PIEZO2: variants seen among roughly 807,000 people sequenced by gnomAD.
PIEZO2 encodes piezo type mechanosensitive ion channel component 2.
In PIEZO2, 172 loss-of-function variants were observed where a neutral mutation model predicts 337.3. The observed-to-expected ratio is 0.51, with a 90% CI of 0.45 to 0.58. PIEZO2 has a LOEUF of 0.58. Ranked by LOEUF, PIEZO2 falls within the 20% of genes least tolerant of loss-of-function variation. The probability of loss-of-function intolerance (pLI) is 0.00; values close to 1 mark genes in which losing one functional copy is unlikely to be tolerated. For missense variants in PIEZO2, 3,028 were observed against 3,391.3 expected, an observed-to-expected ratio of 0.89 and a Z score of 2.66; for synonymous variants, 1,251 against 1,228.5, an observed-to-expected ratio of 1.02 and a Z score of -0.38.
At chr18:10,690,816 C>T (rs2034784744) in intron 48 of PIEZO2, among the ~76,000 whole-genome samples, 1 of 152,118 alleles carries the variant, frequency 6.6e-6, no homozygotes, top group African/African-American at 2.4e-5. Flanking sequence ...TGCTCCTTTT[C>T]AATGGAGGAA....
At chr18:10,814,836 G>A (rs576970135) in intron 7 of PIEZO2, among the ~76,000 whole-genome samples, 8 of 152,332 alleles carry the variant, frequency 5.3e-5, no homozygotes, top group African/African-American at 1.9e-4. Flanking sequence ...GGGCTCAACT[G>A]AGAGCAGGGG....
rs889009431 is a variant in PIEZO2, at chr18:10,815,110, C to T, written c.918-7836G>A. Among the ~76,000 whole-genome samples, 5 of 152,058 alleles carry T rather than the reference C, an allele frequency of 3.3e-5. No homozygotes were observed. Among genetic ancestry groups the T allele is most frequent in the Admixed American group, 2.6e-4 (4 of 15,264 alleles). ...CTTTTCTTTTTCTTCCATCCCCTAC[C>T]GACCCTTTCCCCACTCTAATGGCAT... On this transcript the variant is annotated intron_variant, in intron 7 of 55. Coordinates refer to ENST00000674853, the MANE Select transcript of PIEZO2 (RefSeq NM_001378183.1). This position sits in a 1 kb window ranked among gnomAD's most constrained non-coding sequence, Gnocchi z 4.1.
intron 1 of PIEZO2, among the ~76,000 whole-genome samples, chr18:11,139,308 G>A (rs1341487473): frequency 6.6e-6 from 1 of 152,170 alleles, no homozygotes; most frequent in Non-Finnish European, 1.5e-5. Context: ...TCTTAGTCAA[G>A]ATAGTACATT....
rs2145713642 is a variant in PIEZO2, at chr18:11,021,501, T to C, written c.161-41841A>G. On this transcript the variant is annotated intron_variant, in intron 2 of 55. Transcript: ENST00000674853. The surrounding 1 kb of genome is among the most constrained non-coding windows in gnomAD (Gnocchi z 4.7). ...TGGTGGTAAGGATGCAAATTTGAGT[T>C]GAGTTTCTGAGCAGACTCTCCTGCT... 6.6e-6 allele frequency among the ~76,000 whole-genome samples: 1 copy of C among 152,318 alleles called. No homozygotes were observed. Among genetic ancestry groups the C allele is most frequent in the Non-Finnish European group, 1.5e-5 (1 of 68,026 alleles).
In PIEZO2 at chr18:10,677,030, G is replaced by A. The variant is rs2034039191; in HGVS notation, c.8081+717C>T. 1.3e-5 allele frequency among the ~76,000 whole-genome samples: 2 copies of A among 152,176 alleles called. No individual in the cohort carries two copies. The highest frequency in any genetic ancestry group is 4.1e-4 in the South Asian group (2 of 4,832). ...CTCCAAATCGCATGAGAATCAGCAT[G>A]ATGATTTCTAGTGTGCCCCAAAATG... On this transcript the variant is annotated intron_variant, in intron 53 of 55. Coordinates refer to ENST00000674853, the MANE Select transcript of PIEZO2 (RefSeq NM_001378183.1). The surrounding 1 kb of genome is among the most constrained non-coding windows in gnomAD (Gnocchi z 4.1).
intron 1 of PIEZO2, among the ~76,000 whole-genome samples, chr18:11,095,401 G>A (rs751096408): frequency 1.3e-5 from 2 of 152,134 alleles, no homozygotes; most frequent in South Asian, 2.1e-4. Flanking sequence ...ACCTAAGAGA[G>A]ACCCTATGCA....
In PIEZO2 at chr18:10,736,657, C is replaced by T; in HGVS notation, c.4762G>A (p.Glu1588Lys). 1 of 1,537,102 alleles carries T rather than the reference C, an allele frequency of 6.5e-7. No individual in the cohort carries two copies. Among genetic ancestry groups the T allele is most frequent in the Non-Finnish European group, 8.7e-7 (1 of 1,146,782 alleles). The change falls in exon 34 of 56, where the codon GAG becomes AAG. Residue 1588 changes from glutamate to lysine, a missense_variant. By Grantham distance (56) the Glu-to-Lys change is moderately conservative. This residue lies in a region of PIEZO2 where 1,925 missense variants were observed against 2,051.9 expected (regional missense o/e 0.94). Transcript: ENST00000674853. Reference sequence around the variant, plus strand: ...TCATCTTCCTTCTTTAATTCTTCCTCTTCCTCCTCTTCACTATCCGTTTCA... The same window carrying T: ...TCATCTTCCTTCTTTAATTCTTCCTTTTCCTCCTCTTCACTATCCGTTTCA... ...LFETDSEEEEEEELKKEDEEP... is the reference protein window; with the variant it reads ...LFETDSEEEEKEELKKEDEEP...
Position 11,080,662 on chromosome 18 carries a change from G to A in PIEZO2, c.65-14440C>T, listed in dbSNP as rs943351181. ...AGATCAAGACTATCCTGGCCAACAC[G>A]GTGAAACCCCGTCTCTACTAAAAAT... On this transcript the variant is annotated intron_variant, in intron 1 of 55. Transcript: ENST00000674853. The surrounding 1 kb of genome is among the most constrained non-coding windows in gnomAD (Gnocchi z 5.4). 4.6e-5 allele frequency among the ~76,000 whole-genome samples: 7 copies of A among 152,158 alleles called. No homozygotes were observed. Among genetic ancestry groups the A allele is most frequent in the Admixed American group, 1.3e-4 (2 of 15,278 alleles).
At position 10,730,877 on chromosome 18, in the gene PIEZO2, CT is replaced by C. The variant is rs766742146; in HGVS notation, c.5029+529del. Among the ~76,000 whole-genome samples the C allele has an allele frequency of 1.2e-4, 18 of 152,250 alleles. No homozygotes were observed. The East Asian group carries it at 2.7e-3, about 23-fold the overall frequency. The stretch of plus-strand genomic sequence containing the variant: ...GAGTAGCTGGGACTACAGGCGTCCG[CT>C]ACCACGCCGGGCTAATTTTTTGTAT... On this transcript the variant is annotated intron_variant, in intron 36 of 55. Coordinates refer to ENST00000674853, the MANE Select transcript of PIEZO2 (RefSeq NM_001378183.1).
rs2036787528 is a variant in PIEZO2, at chr18:10,731,529, G to T, written c.4915-8C>A. 1.3e-6 allele frequency: 2 copies of T among 1,488,386 alleles called. No individual in the cohort carries two copies. Among genetic ancestry groups the T allele is most frequent in the East Asian group, 2.6e-5 (1 of 38,796 alleles). 92.2% of individuals were successfully genotyped at this position (1,488,386 alleles called of 1,614,324 possible). On this transcript the variant is annotated splice_region_variant and splice_polypyrimidine_tract_variant and intron_variant, in intron 35 of 55. Transcript: ENST00000674853. ...CCAGGCTTGATAAACAAACTGAAGG[G>T]AGAAAGTTCAATTATTTTCTGGCCT... is the stretch of plus-strand genomic sequence containing the variant.
chr18:11,139,474 A>G (rs2040580855), intron 1 of PIEZO2, among the ~76,000 whole-genome samples: 1 of 152,204 alleles, frequency 6.6e-6, no homozygotes, highest in Non-Finnish European at 1.5e-5. Flanking sequence ...GCCCAGTGAT[A>G]TTATGACGCC....
At chr18:11,121,944 C>T (rs990617613) in intron 1 of PIEZO2, among the ~76,000 whole-genome samples, 4 of 151,870 alleles carry the variant, frequency 2.6e-5, no homozygotes, top group African/African-American at 9.7e-5. Flanking sequence ...AATGAGAAGC[C>T]TTCTTTCTTT....
In PIEZO2 at chr18:11,094,020, C is replaced by A. The variant is rs2039185422; in HGVS notation, c.65-27798G>T. On this transcript the variant is annotated intron_variant, in intron 1 of 55. Coordinates refer to ENST00000674853, the MANE Select transcript of PIEZO2 (RefSeq NM_001378183.1). The surrounding 1 kb of genome is among the most constrained non-coding windows in gnomAD (Gnocchi z 4.4). ...TGAGACAGTGTCTCGCTCTTGGGGC[C>A]CAGGCTGGAGTGCAGTGGTGCTACT... Among the ~76,000 whole-genome samples the A allele has an allele frequency of 6.6e-6, 1 of 151,726 alleles. No individual in the cohort carries two copies. Among genetic ancestry groups the A allele is most frequent in the Admixed American group, 6.6e-5 (1 of 15,252 alleles).
chr18:10,774,679 G>GT (rs371792915), intron 18 of PIEZO2, among the ~76,000 whole-genome samples: 37 of 152,068 alleles, frequency 2.4e-4, no homozygotes, highest in African/African-American at 7.7e-4. Flanking sequence ...TTCTCCTACA[G>GT]TTTTTTTTAA....
At chr18:10,740,349 G>A (rs2037169098) in intron 33 of PIEZO2, 1 of 152,248 alleles carries the variant, frequency 6.6e-6, no homozygotes. Context: ...GGTTTTTGCT[G>A]TTCATTGGTC....
chr18:10,867,180 G>A (rs2144763397), intron 5 of PIEZO2, among the ~76,000 whole-genome samples: 2 of 152,250 alleles, frequency 1.3e-5, no homozygotes, highest in East Asian at 3.9e-4. Flanking sequence ...TGAAGAAATG[G>A]GATCCAGGAA....
intron 27 of PIEZO2, among the ~76,000 whole-genome samples, chr18:10,754,658 A>G (rs2037768166): frequency 6.6e-6 from 1 of 152,216 alleles, no homozygotes; most frequent in African/African-American, 2.4e-5. Context: ...ATCCCAGAGA[A>G]GAGGTAAAAA....
Position 10,833,523 on chromosome 18 carries a change from G to A in PIEZO2, c.917+21830C>T, listed in dbSNP as rs1306286469. Among the ~76,000 whole-genome samples the A allele has an allele frequency of 1.3e-5, 2 of 152,232 alleles. No homozygotes were observed. The highest frequency in any genetic ancestry group is 1.9e-4 in the East Asian group (1 of 5,156). ...GGGTTTTTATTTCTGTTGGAGTTCAGAATAACCCGTCTGTGCCCCCAGTTA... is the reference window on the plus strand; with the variant it reads ...GGGTTTTTATTTCTGTTGGAGTTCAAAATAACCCGTCTGTGCCCCCAGTTA... On this transcript the variant is annotated intron_variant, in intron 7 of 55. Coordinates refer to ENST00000674853, the MANE Select transcript of PIEZO2 (RefSeq NM_001378183.1). This position sits in a 1 kb window ranked among gnomAD's most constrained non-coding sequence, Gnocchi z 4.7.
intron 7 of PIEZO2, among the ~76,000 whole-genome samples, chr18:10,809,775 A>C (rs1329246513): frequency 3.9e-5 from 6 of 152,092 alleles, no homozygotes; most frequent in Non-Finnish European, 8.8e-5. Context: ...AACTGATACT[A>C]TTGCACCTGC....
Sources: allele counts gnomAD v4.1 joint callset (sites outside exome capture counted in the v4.1 genomes callset), GRCh38; gene constraint gnomAD v4.1.1; regional missense constraint gnomAD v4.1.1; non-coding constraint Gnocchi (gnomAD v3.1); transcripts MANE v1.5; gene names NCBI Gene and HGNC (gene_info 2026-07-23, HGNC 2026-07-21).